STAG1: variants seen among roughly 807,000 people sequenced by gnomAD.
The protein encoded by STAG1 is STAG1 cohesin complex component.
A neutral mutation model predicts 170.9 loss-of-function variants in STAG1; 26 were observed. That is an observed-to-expected ratio of 0.15 (90% confidence interval 0.11 to 0.21). STAG1 has a LOEUF of 0.21. STAG1 is among the 10% of genes least tolerant of loss of function. The probability of loss-of-function intolerance (pLI) is 1.00; values close to 1 mark genes in which losing one functional copy is unlikely to be tolerated. For synonymous variants in STAG1, 514 were observed against 497.7 expected (o/e 1.03, Z -0.44); for missense variants, 964 against 1,509.5 (o/e 0.64, Z 5.99).
intron 1 of STAG1, among the ~76,000 whole-genome samples, chr3:136,677,575 T>C (rs1942163876): frequency 6.6e-6 from 1 of 152,130 alleles, no homozygotes; most frequent in African/African-American, 2.4e-5. Flanking sequence ...TGTGAAGTAA[T>C]TAAGGCATGA....
chr3:136,548,956 T>C (rs1936271783), intron 5 of STAG1, among the ~76,000 whole-genome samples: 1 of 152,186 alleles, frequency 6.6e-6, no homozygotes, highest in African/African-American at 2.4e-5. Flanking sequence ...TGTGAAGATG[T>C]GCCTGCTTTC....
intron 1 of STAG1, among the ~76,000 whole-genome samples, chr3:136,659,836 T>C (rs528947460): frequency 9.3e-4 from 141 of 152,094 alleles, no homozygotes; most frequent in Non-Finnish European, 1.4e-3. Flanking sequence ...ACTAGAAAAA[T>C]TGTCATGAAA....
intron 1 of STAG1, among the ~76,000 whole-genome samples, chr3:136,696,942 T>C (rs560269050): frequency 6.6e-6 from 1 of 152,192 alleles, no homozygotes; most frequent in African/African-American, 2.4e-5. Flanking sequence ...CTGTTGATGG[T>C]TGCACAACGG....
intron 12 of STAG1, among the ~76,000 whole-genome samples, chr3:136,472,156 A>C (rs1379079783): frequency 6.6e-6 from 1 of 152,214 alleles, no homozygotes; most frequent in Admixed American, 6.5e-5. Context: ...TTAAACAGAA[A>C]GGTAAGTTAC....
intron 1 of STAG1, among the ~76,000 whole-genome samples, chr3:136,717,470 C>A (rs1339315797): frequency 6.6e-6 from 1 of 152,128 alleles, no homozygotes; most frequent in Non-Finnish European, 1.5e-5. Flanking sequence ...TTGAGACCAG[C>A]CTGGCCAACA....
intron 1 of STAG1, among the ~76,000 whole-genome samples, chr3:136,748,539 G>C (rs1006199323): frequency 3.9e-5 from 6 of 152,006 alleles, no homozygotes; most frequent in African/African-American, 1.4e-4. Context: ...AGGATTACAG[G>C]CAAGTGCTAC....
At chr3:136,346,727 T>A (rs926527065) in intron 29 of STAG1, among the ~76,000 whole-genome samples, 2 of 152,226 alleles carry the variant, frequency 1.3e-5, no homozygotes, top group Non-Finnish European at 2.9e-5. Flanking sequence ...AAATAAATGA[T>A]TAAATGATAT....
chr3:136,376,534 G>C (rs1231402578), intron 23 of STAG1, among the ~76,000 whole-genome samples: 1 of 152,086 alleles, frequency 6.6e-6, no homozygotes, highest in African/African-American at 2.4e-5. Flanking sequence ...CTACAGTCCT[G>C]ATCCTGTTGT....
At chr3:136,424,046 A>G (rs1317654224) in intron 16 of STAG1, among the ~76,000 whole-genome samples, 1 of 151,714 alleles carries the variant, frequency 6.6e-6, no homozygotes, top group Non-Finnish European at 1.5e-5. Context: ...GTATTTTTGT[A>G]GAGATGGGGT....
intron 4 of STAG1, among the ~76,000 whole-genome samples, chr3:136,586,127 T>C (rs146686798): frequency 4.7e-4 from 71 of 152,314 alleles, no homozygotes; most frequent in South Asian, 1.0e-3. Context: ...GTCCACCATA[T>C]TTCATATATT....
chr3:136,377,582 T>TA, intron 23 of STAG1, 78 bp downstream of exon 23: 5 of 1,232,788 alleles, frequency 4.1e-6, no homozygotes, highest in Non-Finnish European at 4.7e-6. Context: ...AAAACTGCCA[T>TA]AAAAAATTGT....
chr3:136,383,558 A>G (rs2108316538), intron 22 of STAG1, among the ~76,000 whole-genome samples: 1 of 152,330 alleles, frequency 6.6e-6, no homozygotes, highest in Non-Finnish European at 1.5e-5. Flanking sequence ...ACATTTATCC[A>G]CACTTACTAC....
chr3:136,706,339 C>A (rs534155021), intron 1 of STAG1, among the ~76,000 whole-genome samples: 95 of 152,096 alleles, frequency 6.2e-4, no homozygotes, highest in African/African-American at 2.2e-3. Flanking sequence ...TAAAATATTC[C>A]AAAGAATCAA....
At chr3:136,392,854 T>C (rs1246679097) in intron 22 of STAG1, among the ~76,000 whole-genome samples, 1 of 152,052 alleles carries the variant, frequency 6.6e-6, no homozygotes, top group Non-Finnish European at 1.5e-5. Flanking sequence ...TTATTTTGTT[T>C]ATATTACTAT....
chr3:136,705,942 C>T (rs1393167166), intron 1 of STAG1, among the ~76,000 whole-genome samples: 1 of 150,894 alleles, frequency 6.6e-6, no homozygotes, highest in East Asian at 1.9e-4. Context: ...AGGAGTTCAA[C>T]AACAGCCTGT....
intron 12 of STAG1, among the ~76,000 whole-genome samples, chr3:136,465,810 T>A (rs748585464): frequency 2.8e-4 from 43 of 152,056 alleles, no homozygotes; most frequent in Non-Finnish European, 5.3e-4. Context: ...GCATAAGGCA[T>A]TTCAGAATTA....
chr3:136,582,697 G>C (rs1469928162), intron 4 of STAG1, among the ~76,000 whole-genome samples: 1 of 152,202 alleles, frequency 6.6e-6, no homozygotes, highest in Non-Finnish European at 1.5e-5. Flanking sequence ...TACTTGGGAG[G>C]CTGGGGCAGG....
At chr3:136,424,328 C>CTTTTT (rs60213699) in intron 16 of STAG1, among the ~76,000 whole-genome samples, 2 of 117,188 alleles carry the variant, frequency 1.7e-5, no homozygotes, top group Non-Finnish European at 3.6e-5. Flanking sequence ...ATGGAACGAT[C>CTTTTT]TTTTTTTTTT....
intron 5 of STAG1, among the ~76,000 whole-genome samples, chr3:136,556,933 C>G (rs1362518012): frequency 6.6e-6 from 1 of 152,046 alleles, no homozygotes; most frequent in African/African-American, 2.4e-5. Flanking sequence ...CAGTAAGTTT[C>G]TAGTCAAGAA....
Sources: allele counts gnomAD v4.1 joint callset (sites outside exome capture counted in the v4.1 genomes callset), GRCh38; gene constraint gnomAD v4.1.1; transcripts MANE v1.5; gene names NCBI Gene and HGNC (gene_info 2026-07-23, HGNC 2026-07-21).